The following CXADR variants were observed in gnomAD, a reference collection of about 807,000 sequenced individuals.
CXADR encodes the protein coxsackievirus and adenovirus receptor.
A neutral mutation model predicts 40.3 loss-of-function variants in CXADR; 20 were observed. That is an observed-to-expected ratio of 0.50 (90% confidence interval 0.35 to 0.72). The LOEUF is 0.72. CXADR is among the 30% of genes least tolerant of loss of function. The pLI, the probability that CXADR is intolerant of heterozygous loss-of-function variation, is 0.01. For synonymous variants in CXADR, 150 were observed against 161.3 expected (o/e 0.93, Z 0.53); for missense variants, 332 against 449.1 (o/e 0.74, Z 2.36).
At chr21:17,616,035 G>A in the CXADR span, among the ~76,000 whole-genome samples, 1 of 152,154 alleles carries the variant, frequency 6.6e-6, no homozygotes, top group Non-Finnish European at 1.5e-5. Flanking sequence ...TGGATCACCT[G>A]AGGTCAGGAG....
chr21:17,513,191 G>A lies in CXADR; in HGVS notation c.43+19G>A, dbSNP rs1258226280. On this transcript the variant is annotated intron_variant, in intron 1 of 6. Coordinates refer to ENST00000284878, the MANE Select transcript of CXADR (RefSeq NM_001338.5). ...GTAGTGGGTGAGTAGGGGCCATGGG[G>A]TCCTCAGCACCCGCCCAGCCCGGGG... 1 of 1,360,892 alleles carries A rather than the reference G, an allele frequency of 7.3e-7. No homozygotes were observed. Among genetic ancestry groups the A allele is most frequent in the Non-Finnish European group, 9.5e-7 (1 of 1,053,654 alleles). 84.3% of individuals were successfully genotyped at this position (1,360,892 alleles called of 1,614,324 possible). A position where few individuals can be genotyped will look rare whatever the true frequency, so the allele number is the denominator to read the frequency against.
At chr21:17,584,497 T>TAG in intron 7 of CXADR, among the ~76,000 whole-genome samples, 1 of 152,332 alleles carries the variant, frequency 6.6e-6, no homozygotes, top group South Asian at 2.1e-4. Context: ...TTTGGACATC[T>TAG]TACTATTATT....
At position 17,550,016 on chromosome 21, in the gene CXADR, A is replaced by G. The variant is rs111759543; in HGVS notation, c.211-1733A>G. On this transcript the variant is annotated intron_variant, in intron 2 of 6. Transcript: ENST00000284878. ...CGTCAACTACTTCTTTTATTTACTT[A>G]GCAAACTGGTATTGAGCGCAACCTA... 1.5e-3 allele frequency among the ~76,000 whole-genome samples: 230 copies of G among 152,320 alleles called. 1 individual carries two copies. Among genetic ancestry groups the G allele is most frequent in the African/African-American group, 4.6e-3 (192 of 41,570 alleles).
chr21:17,536,226 C>G (rs2060754573), intron 1 of CXADR, among the ~76,000 whole-genome samples: 1 of 152,106 alleles, frequency 6.6e-6, no homozygotes, highest in Non-Finnish European at 1.5e-5. Flanking sequence ...AAAAGTTTTT[C>G]TTAACATACT....
chr21:17,529,301 G>A (rs1030695620), intron 1 of CXADR, among the ~76,000 whole-genome samples: 2 of 151,760 alleles, frequency 1.3e-5, no homozygotes, highest in Non-Finnish European at 2.9e-5. Context: ...AAAGTGCTGG[G>A]ATTACAGGCT....
chr21:17,587,744 G>C (rs2061407999), intron 7 of CXADR, among the ~76,000 whole-genome samples: 1 of 151,784 alleles, frequency 6.6e-6, no homozygotes, highest in African/African-American at 2.4e-5. Flanking sequence ...AGTTTAATTA[G>C]ATCCCATTTG....
At position 17,543,670 on chromosome 21, in the gene CXADR, T is replaced by C. The variant is rs539502992; in HGVS notation, c.44-3357T>C. On this transcript the variant is annotated intron_variant, in intron 1 of 6. Coordinates refer to ENST00000284878, the MANE Select transcript of CXADR (RefSeq NM_001338.5). Reference sequence around the variant, plus strand: ...AATAACCAAACTAAATTTCTGAAATTGATCAAATTTATAATTCACTCATTA... The same window carrying C: ...AATAACCAAACTAAATTTCTGAAATCGATCAAATTTATAATTCACTCATTA... 1.6e-4 allele frequency among the ~76,000 whole-genome samples: 25 copies of C among 152,324 alleles called. No homozygotes were observed. In the East Asian group the frequency reaches 4.6e-3, roughly 28 times the overall value.
chr21:17,568,932 A>T lies in CXADR; in HGVS notation c.*3240A>T. The T allele has an allele frequency of 1.0e-6, 1 of 984,728 alleles. No individual in the cohort carries two copies. Among genetic ancestry groups the T allele is most frequent in the Non-Finnish European group, 1.2e-6 (1 of 829,304 alleles). The allele number at this position is 984,728 out of a possible 1,614,324, so 61.0% of individuals were successfully genotyped here. A position where few individuals can be genotyped will look rare whatever the true frequency, so the allele number is the denominator to read the frequency against. The stretch of plus-strand genomic sequence containing the variant: ...ATCTTAGGGAGAGTTTGATTGAAAA[A>T]ATCCAAATCACTATCCATATAGATC... On this transcript the variant is annotated 3_prime_UTR_variant, in exon 7 of 7. Coordinates refer to ENST00000284878, the MANE Select transcript of CXADR (RefSeq NM_001338.5).
chr21:17,557,271 A>C (rs1453202273), intron 3 of CXADR, among the ~76,000 whole-genome samples: 2 of 152,190 alleles, frequency 1.3e-5, no homozygotes, highest in African/African-American at 4.8e-5. Context: ...TGTCTTTTCT[A>C]GTGTTGCCCG....
chr21:17,545,058 T>G (rs1475118278), intron 1 of CXADR, among the ~76,000 whole-genome samples: 1 of 149,112 alleles, frequency 6.7e-6, no homozygotes, highest in Admixed American at 6.8e-5. Context: ...TTACTCCTAA[T>G]TTTGCTCTAA....
At chr21:17,586,591 C>T (rs1026484866) in intron 7 of CXADR, among the ~76,000 whole-genome samples, 1 of 151,304 alleles carries the variant, frequency 6.6e-6, no homozygotes, top group East Asian at 1.9e-4. Flanking sequence ...GTGAGTCAGC[C>T]TCTTCTCAGT....
intron 3 of CXADR, among the ~76,000 whole-genome samples, 178 bp downstream of exon 3, chr21:17,552,131 A>G (rs1014872003): frequency 1.3e-5 from 2 of 152,208 alleles, no homozygotes; most frequent in African/African-American, 2.4e-5. Context: ...GGTTTTGGAT[A>G]GGAAAAGTAA....
chr21:17,555,970 C>T (rs2824353), intron 3 of CXADR, among the ~76,000 whole-genome samples: 5,298 of 152,196 alleles, frequency 0.035, 306 homozygotes, highest in African/African-American at 0.12. Flanking sequence ...TAGACTGGTG[C>T]AGCCACTAGC....
At chr21:17,597,503 A>C (rs375918641), downstream of CXADR, among the ~76,000 whole-genome samples, 4 of 152,048 alleles carry the variant, frequency 2.6e-5, no homozygotes, top group African/African-American at 9.7e-5. Flanking sequence ...AAAAAAAGAA[A>C]AAAAAACCTG....
chr21:17,620,946 C>T, the CXADR span, among the ~76,000 whole-genome samples: 1 of 152,188 alleles, frequency 6.6e-6, no homozygotes, highest in Non-Finnish European at 1.5e-5. Context: ...AAGTTATAGT[C>T]TTAAACCCAA....
intron 7 of CXADR, among the ~76,000 whole-genome samples, chr21:17,588,997 C>G (rs1027865097): frequency 6.6e-6 from 1 of 151,826 alleles, no homozygotes; most frequent in Non-Finnish European, 1.5e-5. Context: ...GGACTCACTC[C>G]TTTTTGTTGT....
the CXADR span, among the ~76,000 whole-genome samples, chr21:17,634,608 G>A: frequency 6.6e-6 from 1 of 152,222 alleles, no homozygotes; most frequent in Non-Finnish European, 1.5e-5. Flanking sequence ...TCACTAGAGA[G>A]AAATAATGGT....
Position 17,523,491 on chromosome 21 carries a change from C to G in CXADR, c.43+10319C>G, listed in dbSNP as rs11909048. ...TATATCACCACTCACATTTAGTTCT[C>G]CTACTTGCAGCCAGTTCTCTCCCCT... On this transcript the variant is annotated intron_variant, in intron 1 of 6. Coordinates refer to ENST00000284878, the MANE Select transcript of CXADR (RefSeq NM_001338.5). Among the ~76,000 whole-genome samples, 496 of 152,242 alleles carry G rather than the reference C, an allele frequency of 3.3e-3. 3 individuals carry two copies. Among genetic ancestry groups the G allele is most frequent in the African/African-American group, 0.012 (480 of 41,536 alleles).
chr21:17,604,837 A>G, the CXADR span: 1 of 1,607,402 alleles, frequency 6.2e-7, no homozygotes, highest in Non-Finnish European at 8.5e-7. Flanking sequence ...TCATCAGTTC[A>G]GCCTCTAAAC....
Sources: gnomAD v4.1 joint callset for allele counts (sites outside exome capture counted in the v4.1 genomes callset) on GRCh38, gnomAD v4.1.1 for gene constraint, MANE v1.5 for transcripts, NCBI Gene and HGNC (gene_info 2026-07-23, HGNC 2026-07-21) for gene names.